ADCY8: variants seen among roughly 807,000 people sequenced by gnomAD.
The protein encoded by ADCY8 is adenylate cyclase type 8.
In ADCY8, 51 loss-of-function variants were observed where a neutral mutation model predicts 119.7. The observed-to-expected ratio is 0.43, with a 90% confidence interval of 0.34 to 0.54. ADCY8 has a LOEUF of 0.54. ADCY8 is among the 20% of genes least tolerant of loss of function. ADCY8 has a pLI of 0.03. For missense variants in ADCY8, 1,383 were observed against 1,598.8 expected (o/e 0.87, Z 2.30); for synonymous variants, 665 against 651.0 (o/e 1.02, Z -0.33).
intron 5 of ADCY8, among the ~76,000 whole-genome samples, chr8:130,927,984 A>C (rs1166613892): frequency 6.6e-6 from 1 of 152,092 alleles, no homozygotes; most frequent in Non-Finnish European, 1.5e-5. Context: ...CACAATCATA[A>C]CTCACTGCAG....
At chr8:130,848,662 G>A (rs985223223) in intron 10 of ADCY8, among the ~76,000 whole-genome samples, 1 of 152,132 alleles carries the variant, frequency 6.6e-6, no homozygotes, top group Admixed American at 6.5e-5. Context: ...GCACAGTGAT[G>A]GATTCAACCA....
At chr8:130,976,598 T>C (rs560229650) in intron 2 of ADCY8, among the ~76,000 whole-genome samples, 1 of 152,344 alleles carries the variant, frequency 6.6e-6, no homozygotes, top group East Asian at 1.9e-4. Context: ...TATTCATTGA[T>C]ATATATTTTA....
At chr8:130,937,972 T>G (rs1424698408) in intron 4 of ADCY8, among the ~76,000 whole-genome samples, 1 of 152,116 alleles carries the variant, frequency 6.6e-6, no homozygotes, top group Non-Finnish European at 1.5e-5. Context: ...AAGACACAAC[T>G]CTTACAAAAT....
chr8:130,948,304 G>A (rs961177188), intron 3 of ADCY8, among the ~76,000 whole-genome samples: 1 of 152,218 alleles, frequency 6.6e-6, no homozygotes, highest in East Asian at 1.9e-4. Context: ...CAATACAATC[G>A]GGTAGGTGGG....
At chr8:130,962,659 C>T (rs554862138) in intron 2 of ADCY8, among the ~76,000 whole-genome samples, 1 of 152,322 alleles carries the variant, frequency 6.6e-6, no homozygotes, top group South Asian at 2.1e-4. Context: ...TATGCAAATG[C>T]TTATAGCAGT....
chr8:130,896,646 T>C (rs1375346010), intron 7 of ADCY8, among the ~76,000 whole-genome samples: 1 of 152,184 alleles, frequency 6.6e-6, no homozygotes, highest in African/African-American at 2.4e-5. Flanking sequence ...TCATAAGTTA[T>C]GCTTAGAGAA....
chr8:130,805,569 C>T (rs1191922026), intron 14 of ADCY8, among the ~76,000 whole-genome samples: 1 of 152,148 alleles, frequency 6.6e-6, no homozygotes, highest in East Asian at 1.9e-4. Context: ...GGCTGGGACT[C>T]ACCCCTCCTT....
At chr8:130,972,836 C>T (rs1295126156) in intron 2 of ADCY8, among the ~76,000 whole-genome samples, 1 of 33,994 alleles carries the variant, frequency 2.9e-5, no homozygotes, top group Non-Finnish European at 5.2e-5. Context: ...CTTCCTTCAG[C>T]ATCAGTTTTT....
intron 15 of ADCY8, among the ~76,000 whole-genome samples, chr8:130,794,556 G>C (rs1487030148): frequency 6.6e-6 from 1 of 152,172 alleles, no homozygotes; most frequent in Admixed American, 6.5e-5. Context: ...GTTGTTTAAA[G>C]ACACCAAATG....
chr8:131,005,809 G>T lies in ADCY8; in HGVS notation c.961-15267C>A, dbSNP rs891272597. On this transcript the variant is annotated intron_variant, in intron 1 of 17. Transcript: ENST00000286355. ...CCCTTGCCCCTTCAGGCCCATAGGA[G>T]TGGAAACAGCTTCCTCTGCAGCTAG... Among the ~76,000 whole-genome samples, 3 of 152,158 alleles carry T rather than the reference G, an allele frequency of 2.0e-5. No homozygotes were observed. In the South Asian group the frequency reaches 6.2e-4, roughly 32 times the overall value.
At chr8:130,784,153 C>A (rs150154731) in intron 16 of ADCY8, among the ~76,000 whole-genome samples, 1 of 151,196 alleles carries the variant, frequency 6.6e-6, no homozygotes, top group Non-Finnish European at 1.5e-5. Flanking sequence ...GGTGTGTGGG[C>A]GTGTGGGTGG....
At chr8:130,855,694 G>A (rs949068651) in intron 9 of ADCY8, among the ~76,000 whole-genome samples, 2 of 151,880 alleles carry the variant, frequency 1.3e-5, no homozygotes, top group Admixed American at 1.3e-4. Flanking sequence ...CAGATCCGCG[G>A]GCTCATCCTG....
At position 130,821,416 on chromosome 8, in the gene ADCY8, A is replaced by C. The variant is rs137921340; in HGVS notation, c.2680T>G (p.Phe894Val). ...AGTGATACCTCCTTGGTCCCCAGGA[A>C]ATCTCTGTTGGAAGAAAAAAGGAAC... ...YDNLNHSGEDFLGTKEVSLLL... is the reference protein window; with the variant it reads ...YDNLNHSGEDVLGTKEVSLLL... Residue 894 changes from phenylalanine (F) to valine (V), a missense_variant, in exon 13 of 18, where the codon TTC (phenylalanine) becomes GTC (valine). By Grantham distance (50) the Phe-to-Val change is conservative. Coordinates refer to ENST00000286355, the MANE Select transcript of ADCY8 (RefSeq NM_001115.3). 1.2e-5 allele frequency: 19 copies of C among 1,612,756 alleles called. No individual in the cohort carries two copies. Among genetic ancestry groups the C allele is most frequent in the Non-Finnish European group, 1.5e-5 (18 of 1,179,152 alleles).
intron 3 of ADCY8, among the ~76,000 whole-genome samples, chr8:130,947,294 C>T (rs565961698): frequency 6.6e-6 from 1 of 152,146 alleles, no homozygotes; most frequent in African/African-American, 2.4e-5. Context: ...GTTCCAATAT[C>T]ATAACTGTGT....
chr8:130,780,751 A>G lies in ADCY8; in HGVS notation c.3395T>C (p.Val1132Ala). 1 of 1,614,142 alleles carries G rather than the reference A, an allele frequency of 6.2e-7. No individual in the cohort carries two copies. The highest frequency in any genetic ancestry group is 2.2e-5 in the East Asian group (1 of 44,878). ...CAGGATGAGATAGGTCTCCTCTGGG[A>G]CTTGGATCCGGCCACTAACCCCCGT... ...DSTGVSGRIQ[V>A]PEETYLILKD... The change falls in exon 18 of 18, where the codon GTC (valine) becomes GCC (alanine). Residue 1132 changes from valine (V) to alanine (A), a missense_variant. Physicochemically the swap from Val to Ala is moderately conservative, Grantham distance 64 (BLOSUM62 0). Around this residue, in one of 2 missense-constraint regions of ADCY8, gnomAD observed 928 missense variants for 1,163.5 expected, o/e 0.80. Coordinates refer to ENST00000286355, the MANE Select transcript of ADCY8 (RefSeq NM_001115.3).
chr8:130,955,564 C>T (rs1460108128), intron 2 of ADCY8, among the ~76,000 whole-genome samples: 1 of 152,166 alleles, frequency 6.6e-6, no homozygotes, highest in South Asian at 2.1e-4. Flanking sequence ...TAATTGAATC[C>T]TTAATGCAAA....
In ADCY8 at chr8:130,902,665, A is replaced by AT. The variant is rs556986520; in HGVS notation, c.1911+1106dup. Among the ~76,000 whole-genome samples the AT allele has an allele frequency of 7.9e-4, 121 of 152,224 alleles. 1 individual carries two copies. Among genetic ancestry groups the AT allele is most frequent in the Non-Finnish European group, 8.1e-4 (55 of 68,008 alleles). On this transcript the variant is annotated intron_variant, in intron 7 of 17. Coordinates refer to ENST00000286355, the MANE Select transcript of ADCY8 (RefSeq NM_001115.3). ...CAGCATTTTAACCTTTCCATTTAAA[A>AT]TTTTTTTAGGCAGACAGATTTTTCT...
chr8:130,933,171 C>T (rs1198462082), intron 5 of ADCY8, among the ~76,000 whole-genome samples: 2 of 151,704 alleles, frequency 1.3e-5, no homozygotes, highest in Non-Finnish European at 2.9e-5. Context: ...TAAAGAGGGT[C>T]AACACGAAAT....
intron 5 of ADCY8, among the ~76,000 whole-genome samples, chr8:130,929,989 C>T (rs1820586098): frequency 6.6e-6 from 1 of 151,928 alleles, no homozygotes; most frequent in Admixed American, 6.6e-5. Context: ...CAGGTAATAC[C>T]TTTTCTATCC....
Sources: allele counts gnomAD v4.1 joint callset (sites outside exome capture counted in the v4.1 genomes callset), GRCh38; gene constraint gnomAD v4.1.1; regional missense constraint gnomAD v4.1.1; transcripts MANE v1.5; gene names NCBI Gene and HGNC (gene_info 2026-07-23, HGNC 2026-07-21).